Variants in ADGRL2 observed in about 807,000 individuals in gnomAD.
ADGRL2 encodes the protein calcium-independent alpha-latrotoxin receptor 2.
ADGRL2 carries 44 observed loss-of-function variants against 157.4 expected under a neutral mutation model. The ratio of observed to expected loss-of-function variants is 0.28; its 90% CI spans 0.22 to 0.36. ADGRL2 has a LOEUF of 0.36. Among genes scored for constraint, ADGRL2 ranks in the 10% least tolerant of loss-of-function variants. The probability of loss-of-function intolerance (pLI) is 1.00; values close to 1 mark genes in which losing one functional copy is unlikely to be tolerated. For synonymous variants in ADGRL2, 585 were observed against 624.7 expected, an observed-to-expected ratio of 0.94 and a Z score of 0.95; for missense variants, 1,510 against 1,768.9, an observed-to-expected ratio of 0.85 and a Z score of 2.63.
rs140213832 is a variant in ADGRL2, at chr1:81,490,708, G to C, written c.-248+45619G>C. Among the ~76,000 whole-genome samples the C allele has an allele frequency of 1.7e-4, 26 of 152,306 alleles. No homozygotes were observed. In the East Asian group the frequency reaches 4.6e-3, roughly 27 times the overall value. Reference sequence around the variant, plus strand: ...TGCAACTCACACACAGCTGGTGAGAGCATACAACACAGTCATTTTGGAAGG... The same window carrying C: ...TGCAACTCACACACAGCTGGTGAGACCATACAACACAGTCATTTTGGAAGG... On this transcript the variant is annotated intron_variant, in intron 2 of 24. Coordinates refer to the ADGRL2 transcript ENST00000370721.
chr1:81,531,857 G>A (rs956226195), intron 2 of ADGRL2, among the ~76,000 whole-genome samples: 15 of 152,176 alleles, frequency 9.9e-5, no homozygotes, highest in African/African-American at 1.2e-4. Flanking sequence ...ACTTGCATAA[G>A]CCCCTAAATT....
intron 2 of ADGRL2, among the ~76,000 whole-genome samples, chr1:81,769,095 G>C: frequency 6.6e-6 from 1 of 151,448 alleles, no homozygotes; most frequent in East Asian, 2.0e-4. Flanking sequence ...AAAAAAAATT[G>C]AATTATCTTC....
intron 2 of ADGRL2, among the ~76,000 whole-genome samples, chr1:81,902,860 A>T (rs1034852569): frequency 6.6e-6 from 1 of 152,188 alleles, no homozygotes; most frequent in Non-Finnish European, 1.5e-5. Context: ...AACTCTGCTT[A>T]GTTTGTCACA....
chr1:81,911,705 ATAGT>A (rs1362328668), intron 3 of ADGRL2, among the ~76,000 whole-genome samples: 1 of 152,170 alleles, frequency 6.6e-6, no homozygotes, highest in African/African-American at 2.4e-5. Context: ...TTTCACATGC[ATAGT>A]TAGGTCTTTT....
intron 2 of ADGRL2, among the ~76,000 whole-genome samples, chr1:81,904,010 C>T (rs1008190662): frequency 1.3e-5 from 2 of 151,376 alleles, no homozygotes; most frequent in African/African-American, 4.9e-5. Context: ...AGTAGTTTGC[C>T]TTGTTTTTAA....
Position 81,806,130 on chromosome 1 carries a change from CAT to C in ADGRL2, c.-101+5063_-101+5064del, listed in dbSNP as rs558715587. ...AGTTGGGGAAATCAGAATATTGAAT[CAT>C]GTGGGGTAGAACAAACCAATTACTT... On this transcript the variant is annotated intron_variant, in intron 1 of 23. Coordinates refer to ENST00000686636, the MANE Select transcript of ADGRL2 (RefSeq NM_001366006.2). Among the ~76,000 whole-genome samples the C allele has an allele frequency of 9.9e-5, 15 of 152,100 alleles. No homozygotes were observed. The East Asian group carries it at 2.7e-3, about 27-fold the overall frequency.
At chr1:81,438,393 T>C (rs1438650793) in intron 1 of ADGRL2, among the ~76,000 whole-genome samples, 1 of 152,210 alleles carries the variant, frequency 6.6e-6, no homozygotes, top group Non-Finnish European at 1.5e-5. Context: ...CATCACTTCC[T>C]AATTATTCTA....
intron 1 of ADGRL2, among the ~76,000 whole-genome samples, chr1:81,395,082 T>G (rs914021346): frequency 6.6e-6 from 1 of 152,168 alleles, no homozygotes; most frequent in African/African-American, 2.4e-5. Context: ...CAGCTAATTT[T>G]ATATTTTTTG....
intron 3 of ADGRL2, among the ~76,000 whole-genome samples, chr1:81,673,575 C>T (rs1387837214): frequency 1.4e-5 from 2 of 140,612 alleles, no homozygotes; most frequent in Non-Finnish European, 3.0e-5. Flanking sequence ...AGTGCAGTGG[C>T]GCGATCTCGG....
chr1:81,409,316 C>A (rs1252048075), intron 1 of ADGRL2, among the ~76,000 whole-genome samples: 1 of 152,162 alleles, frequency 6.6e-6, no homozygotes, highest in Non-Finnish European at 1.5e-5. Context: ...TACCAGTTAG[C>A]AGCCCTAAAT....
At chr1:81,546,124 G>C (rs915331134) in intron 2 of ADGRL2, among the ~76,000 whole-genome samples, 2 of 152,010 alleles carry the variant, frequency 1.3e-5, no homozygotes, top group African/African-American at 4.8e-5. Flanking sequence ...ATCACCACCT[G>C]CCCCTAGAAT....
chr1:81,490,512 TTAAA>T (rs2078609496), intron 2 of ADGRL2, among the ~76,000 whole-genome samples: 1 of 152,194 alleles, frequency 6.6e-6, no homozygotes, highest in South Asian at 2.1e-4. Flanking sequence ...AGGCAAGTTA[TTAAA>T]TAGTGTACCC....
chr1:81,711,210 T>A (rs1182525469), intron 1 of ADGRL2, among the ~76,000 whole-genome samples: 1 of 152,240 alleles, frequency 6.6e-6, no homozygotes, highest in Non-Finnish European at 1.5e-5. Context: ...GTTTGAATTT[T>A]ATCATTGGCA....
Position 81,912,615 on chromosome 1 carries a change from T to C in ADGRL2, c.287+5385T>C, listed in dbSNP as rs2094756750. Reference sequence around the variant, plus strand: ...ACCCACAGAGATTATGTAATTTGAGTACGCAAAACCTGCTAGACAACATCT... The same window carrying C: ...ACCCACAGAGATTATGTAATTTGAGCACGCAAAACCTGCTAGACAACATCT... On this transcript the variant is annotated intron_variant, in intron 3 of 23. Transcript: ENST00000686636. Among the ~76,000 whole-genome samples the C allele has an allele frequency of 3.3e-5, 5 of 151,984 alleles. No homozygotes were observed. The South Asian group carries it at 1.0e-3, about 32-fold the overall frequency.
intron 2 of ADGRL2, among the ~76,000 whole-genome samples, chr1:81,490,711 T>C (rs528566898): frequency 7.6e-4 from 116 of 152,308 alleles, no homozygotes; most frequent in African/African-American, 2.7e-3. Flanking sequence ...GGTGAGAGCA[T>C]ACAACACAGT....
chr1:81,880,778 G>A (rs896720046), intron 2 of ADGRL2, among the ~76,000 whole-genome samples: 4 of 151,412 alleles, frequency 2.6e-5, no homozygotes, highest in Non-Finnish European at 5.9e-5. Flanking sequence ...TTTTCACCAC[G>A]GGCATGTTTA....
chr1:81,385,209 A>G (rs2076414434), intron 1 of ADGRL2, among the ~76,000 whole-genome samples: 1 of 152,150 alleles, frequency 6.6e-6, no homozygotes, highest in Admixed American at 6.5e-5. Context: ...CTATAAATTT[A>G]TTTAAAACCC....
At chr1:81,344,823 T>C (rs1450852420) in intron 1 of ADGRL2, among the ~76,000 whole-genome samples, 1 of 152,182 alleles carries the variant, frequency 6.6e-6, no homozygotes, top group Non-Finnish European at 1.5e-5. Context: ...ATGCTATTGA[T>C]CAAGTGAAGT....
intron 13 of ADGRL2, 142 bp downstream of exon 13, chr1:81,966,751 T>C (rs1051472096): frequency 1.7e-5 from 12 of 710,912 alleles, no homozygotes; most frequent in Non-Finnish European, 2.9e-5. Flanking sequence ...GAATTTTAAA[T>C]GTTGGACTAG....
Sources: allele counts gnomAD v4.1 joint callset (sites outside exome capture counted in the v4.1 genomes callset), GRCh38; gene constraint gnomAD v4.1.1; transcripts MANE v1.5; gene names NCBI Gene and HGNC (gene_info 2026-07-23, HGNC 2026-07-21).